Variants in VEPH1 observed in about 807,000 individuals in gnomAD.
The protein encoded by VEPH1 is ventricular zone-expressed PH domain-containing protein homolog 1.
VEPH1 carries 80 observed loss-of-function variants against 85.2 expected under a neutral mutation model. That is an observed-to-expected ratio of 0.94 (90% confidence interval 0.78 to 1.13). VEPH1 has a LOEUF of 1.13. Among genes scored for constraint, VEPH1 ranks in the 50% most tolerant of loss-of-function variants. VEPH1 has a pLI of 0.00. For synonymous variants in VEPH1, 297 were observed against 348.0 expected (o/e 0.85, Z 1.63); for missense variants, 955 against 980.5 (o/e 0.97, Z 0.35).
At chr3:157,281,994 A>C (rs1435108443) in intron 12 of VEPH1, among the ~76,000 whole-genome samples, 1 of 152,056 alleles carries the variant, frequency 6.6e-6, no homozygotes, top group African/African-American at 2.4e-5. Flanking sequence ...TGGCATCTAG[A>C]GTGGAAAAAT....
intron 5 of VEPH1, among the ~76,000 whole-genome samples, chr3:157,425,465 C>A (rs1400926677): frequency 6.6e-6 from 1 of 152,114 alleles, no homozygotes; most frequent in Non-Finnish European, 1.5e-5. Flanking sequence ...CCATGGGAAC[C>A]CTTGCATCAG....
intron 6 of VEPH1, among the ~76,000 whole-genome samples, chr3:157,386,078 A>G (rs748074666): frequency 6.6e-6 from 1 of 152,056 alleles, no homozygotes; most frequent in Non-Finnish European, 1.5e-5. Flanking sequence ...CAAAACTCCA[A>G]TTTTCATTTG....
chr3:157,306,216 A>C (rs1188715883), intron 11 of VEPH1, among the ~76,000 whole-genome samples: 1 of 152,106 alleles, frequency 6.6e-6, no homozygotes, highest in Non-Finnish European at 1.5e-5. Context: ...GATCTCCTTA[A>C]TTCCCTTCCC....
At chr3:157,371,947 C>T (rs1322814006) in intron 7 of VEPH1, among the ~76,000 whole-genome samples, 1 of 152,026 alleles carries the variant, frequency 6.6e-6, no homozygotes, top group Non-Finnish European at 1.5e-5. Context: ...TGAACTGCCA[C>T]CCAGATATAA....
intron 9 of VEPH1, among the ~76,000 whole-genome samples, chr3:157,344,769 C>T (rs1724008096): frequency 6.6e-6 from 1 of 152,204 alleles, no homozygotes; most frequent in Admixed American, 6.5e-5. Flanking sequence ...TACCTGACTT[C>T]AAACAATACT....
chr3:157,432,172 T>C (rs1473723811), intron 4 of VEPH1, among the ~76,000 whole-genome samples: 1 of 152,144 alleles, frequency 6.6e-6, no homozygotes, highest in African/African-American at 2.4e-5. Flanking sequence ...ATAGGTGATT[T>C]CCTCACTTGT....
intron 11 of VEPH1, among the ~76,000 whole-genome samples, chr3:157,291,453 T>C (rs1717465000): frequency 6.6e-6 from 1 of 152,236 alleles, no homozygotes; most frequent in Admixed American, 6.5e-5. Context: ...AATTTTTTTA[T>C]GTTTTTCAAC....
intron 13 of VEPH1, among the ~76,000 whole-genome samples, chr3:157,262,086 CCACCTCTCCTGTTGCAAT>C (rs1465738042): frequency 5.9e-5 from 9 of 152,056 alleles, no homozygotes; most frequent in Non-Finnish European, 1.2e-4. Context: ...TTCTCCTTGC[CCACCTCTCCTGTTGCAAT>C]CACCCTCCTT....
intron 4 of VEPH1, chr3:157,442,886 C>T (rs749075415): frequency 8.7e-6 from 14 of 1,614,048 alleles, no homozygotes; most frequent in East Asian, 4.5e-5. Flanking sequence ...TAAGAGAGAC[C>T]GGAGGAGCAG....
At chr3:157,463,156 C>T (rs945584834) in intron 3 of VEPH1, among the ~76,000 whole-genome samples, 3 of 152,158 alleles carry the variant, frequency 2.0e-5, no homozygotes, top group Non-Finnish European at 2.9e-5. Flanking sequence ...AATTAAATAT[C>T]TTGCACTTAA....
At chr3:157,305,098 T>G (rs1228541305) in intron 11 of VEPH1, among the ~76,000 whole-genome samples, 2 of 113,082 alleles carry the variant, frequency 1.8e-5, no homozygotes, top group East Asian at 3.0e-4. Flanking sequence ...TCTATCTATC[T>G]GTCTTTTTTT....
chr3:157,285,047 G>A (rs1054461161), intron 12 of VEPH1: 4 of 152,114 alleles, frequency 2.6e-5, no homozygotes, highest in Admixed American at 2.6e-4. Flanking sequence ...CAGCTTACTT[G>A]GAGTGAAAAC....
chr3:157,319,978 C>T (rs1310337069), intron 9 of VEPH1, among the ~76,000 whole-genome samples: 1 of 152,086 alleles, frequency 6.6e-6, no homozygotes, highest in African/African-American at 2.4e-5. Context: ...TATTTTTATC[C>T]TTATTTTTTT....
chr3:157,312,373 CT>C (rs1720202399), intron 11 of VEPH1, among the ~76,000 whole-genome samples: 1 of 152,278 alleles, frequency 6.6e-6, no homozygotes, highest in Non-Finnish European at 1.5e-5. Context: ...ACATATTTCC[CT>C]TGAGCAATCC....
intron 7 of VEPH1, among the ~76,000 whole-genome samples, chr3:157,374,555 A>G (rs751550376): frequency 2.0e-5 from 3 of 152,374 alleles, no homozygotes; most frequent in Middle Eastern, 3.4e-3. Context: ...TGGGCTGTGA[A>G]TACTAGCTCT....
chr3:157,480,343 T>G (rs1198267933), intron 2 of VEPH1, among the ~76,000 whole-genome samples: 1 of 152,088 alleles, frequency 6.6e-6, no homozygotes, highest in African/African-American at 2.4e-5. Context: ...CATCAGCAGG[T>G]TTGTTACAAG....
chr3:157,374,405 T>C lies in VEPH1; in HGVS notation c.1127+6751A>G, dbSNP rs144555255. On this transcript the variant is annotated intron_variant, in intron 7 of 13. Transcript: ENST00000362010. The stretch of plus-strand genomic sequence containing the variant: ...GAATGTCCCATGTTTTTAATTATGG[T>C]TCTGAACTGACTCGTGTACCTTCCC... 5.5e-3 allele frequency among the ~76,000 whole-genome samples: 834 copies of C among 152,352 alleles called. 5 individuals carry two copies. Among genetic ancestry groups the C allele is most frequent in the African/African-American group, 0.019 (787 of 41,592 alleles).
chr3:157,413,755 A>G, intron 6 of VEPH1, 126 bp downstream of exon 6: 2 of 1,395,172 alleles, frequency 1.4e-6, no homozygotes, highest in Non-Finnish European at 1.9e-6. Context: ...TTGTATGTCA[A>G]AGAGAAATTG....
At chr3:157,345,615 A>G (rs1724123825) in intron 9 of VEPH1, among the ~76,000 whole-genome samples, 2 of 152,236 alleles carry the variant, frequency 1.3e-5, no homozygotes, top group Non-Finnish European at 2.9e-5. Flanking sequence ...TGTGGAAGTC[A>G]GTGTGGTGAT....
Sources: gnomAD v4.1 joint callset for allele counts (sites outside exome capture counted in the v4.1 genomes callset) on GRCh38, gnomAD v4.1.1 for gene constraint, MANE v1.5 for transcripts, NCBI Gene and HGNC (gene_info 2026-07-23, HGNC 2026-07-21) for gene names.